SUPT16H: variants seen among roughly 807,000 people sequenced by gnomAD.
SUPT16H encodes the protein SPT16 homolog, facilitates chromatin remodeling subunit, also known as FACT complex subunit SPT16.
In SUPT16H, 24 loss-of-function variants were observed where a neutral mutation model predicts 136.2. The observed-to-expected ratio is 0.18, with a 90% CI of 0.13 to 0.25. The LOEUF is 0.25. Ranked by LOEUF, SUPT16H falls within the 10% of genes least tolerant of loss-of-function variation. SUPT16H has a pLI of 1.00. For missense variants in SUPT16H, 623 were observed against 1,270.2 expected, an observed-to-expected ratio of 0.49 and a Z score of 7.74; for synonymous variants, 415 against 428.2, an observed-to-expected ratio of 0.97 and a Z score of 0.38.
intron 24 of SUPT16H, 39 bp downstream of exon 24, chr14:21,353,664 A>G (rs761772636): frequency 1.2e-6 from 2 of 1,606,080 alleles, no homozygotes; most frequent in South Asian, 2.2e-5. Context: ...ATGACATTAG[A>G]TTAGGAAGCC....
rs1886638373 is a variant in SUPT16H at position 21,365,107 on chromosome 14, T to C, written c.1083A>G (p.Leu361=). ...TGTATTGATTTTTGCTATTGATTAC[T>C]AGGGAGCCTTCACGGAATTCAATTC... ...GMGIEFREGS[L]VINSKNQYKL... is the part of the protein sequence containing the mutation. Residue 361 remains leucine (L), a synonymous_variant, in exon 9 of 26, where the codon CTA becomes CTG. Coordinates refer to ENST00000216297, the MANE Select transcript of SUPT16H (RefSeq NM_007192.4). 1.9e-6 allele frequency: 3 copies of C among 1,613,796 alleles called. No homozygotes were observed. The highest frequency in any genetic ancestry group is 1.3e-5 in the African/African-American group (1 of 74,928).
intron 7 of SUPT16H, among the ~76,000 whole-genome samples, chr14:21,367,746 T>A (rs548667581): frequency 6.6e-6 from 1 of 152,178 alleles, no homozygotes; most frequent in South Asian, 2.1e-4. Flanking sequence ...GTCAGAGAGG[T>A]TTCTATAAAC....
At chr14:21,368,033 C>T (rs1886708233) in intron 7 of SUPT16H, among the ~76,000 whole-genome samples, 2 of 152,146 alleles carry the variant, frequency 1.3e-5, no homozygotes, top group African/African-American at 4.8e-5. Flanking sequence ...TCCTCAACTT[C>T]AGTCTGAGTA....
chr14:21,381,125 C>G (rs1017900646), intron 1 of SUPT16H, among the ~76,000 whole-genome samples: 2 of 151,986 alleles, frequency 1.3e-5, no homozygotes, highest in Non-Finnish European at 2.9e-5. Flanking sequence ...AACAATAGTA[C>G]GTTCTAAGGT....
chr14:21,361,309 TGC>T (rs752448801), intron 15 of SUPT16H, 96 bp from the exon 16 acceptor site: 2 of 1,053,940 alleles, frequency 1.9e-6, no homozygotes, highest in Admixed American at 2.4e-5. Flanking sequence ...ATCTCTACTT[TGC>T]TTTTTTTTTT....
In SUPT16H at chr14:21,365,130, T is replaced by C. The variant is rs1330537200; in HGVS notation, c.1060A>G (p.Ile354Val). ...ACTAGGGAGCCTTCACGGAATTCAA[T>C]TCCCATCCCAAACCTGAAAAGAAAC... is the stretch of plus-strand genomic sequence containing the variant. ...ITKNLGFGMG[I>V]EFREGSLVIN... The change falls in exon 9 of 26, where the codon ATT becomes GTT. Residue 354 changes from isoleucine to valine, a missense_variant. Physicochemically the swap from Ile to Val is conservative, Grantham distance 29. Transcript: ENST00000216297. 1.9e-6 allele frequency: 3 copies of C among 1,613,754 alleles called. No individual in the cohort carries two copies. Among genetic ancestry groups the C allele is most frequent in the Admixed American group, 3.3e-5 (2 of 59,972 alleles).
intron 1 of SUPT16H, 191 bp downstream of exon 1, chr14:21,383,671 G>C (rs1053472100): frequency 1.4e-6 from 1 of 723,600 alleles, no homozygotes; most frequent in Non-Finnish European, 2.5e-6. Flanking sequence ...AGGACAGGGT[G>C]AATGCGGGGG....
chr14:21,370,604 A>C, intron 3 of SUPT16H, 116 bp from the exon 4 acceptor site: 2 of 1,113,344 alleles, frequency 1.8e-6, no homozygotes, highest in Non-Finnish European at 2.6e-6. Flanking sequence ...TTCTCCTCCC[A>C]TCCCCACCTA....
Position 21,351,969 on chromosome 14 carries a change from AAG to A in SUPT16H, c.*702_*703del, listed in dbSNP as rs1223012752. On this transcript the variant is annotated 3_prime_UTR_variant, in exon 26 of 26. Transcript: ENST00000216297. ...TCCTTAGATATATGAGAAAAAAAAG[AAG>A]ACAGTGGCAATTTTGCCTTCTATCA... is the stretch of plus-strand genomic sequence containing the variant. 2 of 152,570 alleles carry A rather than the reference AAG, an allele frequency of 1.3e-5. No homozygotes were observed. Among genetic ancestry groups the A allele is most frequent in the African/African-American group, 4.8e-5 (2 of 41,440 alleles). 9.5% of individuals were successfully genotyped at this position (152,570 alleles called of 1,614,324 possible).
In SUPT16H at chr14:21,358,296, CA is replaced by C; in HGVS notation, c.2414+18del. 1 of 1,529,956 alleles carries C rather than the reference CA, an allele frequency of 6.5e-7. No homozygotes were observed. Among genetic ancestry groups the C allele is most frequent in the Non-Finnish European group, 8.9e-7 (1 of 1,120,320 alleles). 94.8% of individuals were successfully genotyped at this position (1,529,956 alleles called of 1,614,324 possible). ...AAGACAGACCAGTCAAACTTCAAGC[CA>C]AAAATAAGATAGGTTACCCCAAGTC... On this transcript the variant is annotated intron_variant, in intron 20 of 25. Coordinates refer to ENST00000216297, the MANE Select transcript of SUPT16H (RefSeq NM_007192.4).
intron 1 of SUPT16H, among the ~76,000 whole-genome samples, chr14:21,376,414 T>C (rs947052477): frequency 1.3e-5 from 2 of 152,108 alleles, no homozygotes; most frequent in African/African-American, 4.8e-5. Context: ...CATAAGACTC[T>C]TCCACATTTT....
chr14:21,363,210 G>C, intron 12 of SUPT16H, 23 bp downstream of exon 12: 1 of 1,614,038 alleles, frequency 6.2e-7, no homozygotes, highest in Non-Finnish European at 8.5e-7. Flanking sequence ...CGAGATCAAT[G>C]TAATTTAAAA....
chr14:21,363,198 G>A, intron 12 of SUPT16H, 35 bp downstream of exon 12: 3 of 1,613,964 alleles, frequency 1.9e-6, no homozygotes, highest in Non-Finnish European at 2.5e-6. Flanking sequence ...CCATATGACA[G>A]CCGAGATCAA....
intron 22 of SUPT16H, among the ~76,000 whole-genome samples, chr14:21,355,187 G>A (rs1184128778): frequency 6.6e-6 from 1 of 151,816 alleles, no homozygotes; most frequent in Non-Finnish European, 1.5e-5. Flanking sequence ...TTTCACTATT[G>A]TAGTTAAGAA....
Position 21,371,855 on chromosome 14 carries a change from ATTC to A in SUPT16H, c.330+16_330+18del, listed in dbSNP as rs761579705. ...GAAGATTCTTCCACATTTATGACAC[ATTC>A]TTTATTAATCCTGACCTTTTCTCGT... On this transcript the variant is annotated intron_variant, in intron 3 of 25. Transcript: ENST00000216297. The A allele has an allele frequency of 6.2e-7, 1 of 1,611,778 alleles. No individual in the cohort carries two copies. The highest frequency in any genetic ancestry group is 8.5e-7 in the Non-Finnish European group (1 of 1,179,404).
intron 5 of SUPT16H, 61 bp from the exon 6 acceptor site, chr14:21,369,416 G>C (rs1886739900): frequency 3.1e-6 from 5 of 1,594,844 alleles, no homozygotes; most frequent in Non-Finnish European, 4.3e-6. Context: ...GGGGTGTGTG[G>C]ACACTATGAT....
chr14:21,357,816 A>C, intron 21 of SUPT16H, 111 bp downstream of exon 21: 2 of 1,087,958 alleles, frequency 1.8e-6, no homozygotes, highest in South Asian at 2.9e-5. Flanking sequence ...ATGAGTTTTA[A>C]GTCTAAGTAA....
Position 21,369,562 on chromosome 14 carries a change from T to C in SUPT16H, c.630+188A>G, listed in dbSNP as rs998764094. ...CTATTCCTATGATTCTCAAGTAAAA[T>C]AATGGGTTACCTCAAGAAAACATAA... On this transcript the variant is annotated intron_variant, in intron 5 of 25. Coordinates refer to ENST00000216297, the MANE Select transcript of SUPT16H (RefSeq NM_007192.4). 6.1e-6 allele frequency: 6 copies of C among 983,932 alleles called. No individual in the cohort carries two copies. In the African/African-American group the frequency reaches 8.2e-5, roughly 13 times the overall value. The allele number at this position is 983,932 out of a possible 1,614,324, so 61.0% of individuals were successfully genotyped here.
At position 21,352,833 on chromosome 14, in the gene SUPT16H, C is replaced by A; in HGVS notation, c.2999-15G>T. 1 of 1,613,944 alleles carries A rather than the reference C, an allele frequency of 6.2e-7. No individual in the cohort carries two copies. The highest frequency in any genetic ancestry group is 8.5e-7 in the Non-Finnish European group (1 of 1,179,988). ...TTCTCGGTCCGCTAAATAGAAGAGGCATTATTAGTTAGCAATAGGTAAGCT... is the reference window on the plus strand; with the variant it reads ...TTCTCGGTCCGCTAAATAGAAGAGGAATTATTAGTTAGCAATAGGTAAGCT... On this transcript the variant is annotated splice_polypyrimidine_tract_variant and intron_variant, in intron 25 of 25. Transcript: ENST00000216297.
Sources: gnomAD v4.1 joint callset for allele counts (sites outside exome capture counted in the v4.1 genomes callset) on GRCh38, gnomAD v4.1.1 for gene constraint, MANE v1.5 for transcripts, NCBI Gene and HGNC (gene_info 2026-07-23, HGNC 2026-07-21) for gene names.